TDRD3: variants seen among roughly 807,000 people sequenced by gnomAD.
TDRD3 encodes tudor domain-containing protein 3.
In TDRD3, 45 loss-of-function variants were observed where a neutral mutation model predicts 86.7. The observed-to-expected ratio is 0.52, with a 90% CI of 0.41 to 0.67. The LOEUF (loss-of-function observed/expected upper bound fraction) is 0.67. Among genes scored for constraint, TDRD3 ranks in the 30% least tolerant of loss-of-function variants. The pLI is 0.00. For missense variants in TDRD3, 814 were observed against 889.0 expected (o/e 0.92, Z 1.07); for synonymous variants, 298 against 301.7 (o/e 0.99, Z 0.13).
At chr13:60,420,444 G>GT (rs1256403576) in intron 1 of TDRD3, among the ~76,000 whole-genome samples, 1 of 151,652 alleles carries the variant, frequency 6.6e-6, no homozygotes, top group Non-Finnish European at 1.5e-5. Flanking sequence ...CCTACTTCAA[G>GT]TTTGTGAAGG....
chr13:60,466,342 T>C (rs2138077287), intron 4 of TDRD3, among the ~76,000 whole-genome samples: 1 of 152,336 alleles, frequency 6.6e-6, no homozygotes, highest in South Asian at 2.1e-4. Flanking sequence ...ATGTCAAATC[T>C]TATATAGCAT....
rs1213670341 is a variant in TDRD3 at position 60,529,039 on chromosome 13, C to T, written c.1814C>T (p.Pro605Leu). 2 of 1,613,998 alleles carry T rather than the reference C, an allele frequency of 1.2e-6. No individual in the cohort carries two copies. The highest frequency in any genetic ancestry group is 2.2e-5 in the East Asian group (1 of 44,858). ...GGAAGACGAATAGGACCTATTAAGCCAGCAGGACCTGTCACAGCTGTACCC... is the reference window on the plus strand; with the variant it reads ...GGAAGACGAATAGGACCTATTAAGCTAGCAGGACCTGTCACAGCTGTACCC... ...LKGRRIGPIK[P>L]AGPVTAVPCD... The change falls in exon 11 of 14, where the codon CCA becomes CTA. Residue 605 changes from proline (P) to leucine (L), a missense_variant. Transcript: ENST00000377881.
At chr13:60,433,388 T>C (rs1042081772) in intron 1 of TDRD3, among the ~76,000 whole-genome samples, 2 of 152,242 alleles carry the variant, frequency 1.3e-5, no homozygotes, top group African/African-American at 4.8e-5. Flanking sequence ...ATGACCAGAC[T>C]GAATGATTTG....
At chr13:60,399,388 A>G (rs752542180) in intron 1 of TDRD3, among the ~76,000 whole-genome samples, 2 of 152,340 alleles carry the variant, frequency 1.3e-5, no homozygotes, top group African/African-American at 2.4e-5. Context: ...TGACTCATAA[A>G]GGCAGTAGTA....
chr13:60,541,031 T>C (rs1957797383), intron 12 of TDRD3, among the ~76,000 whole-genome samples: 1 of 152,210 alleles, frequency 6.6e-6, no homozygotes, highest in Non-Finnish European at 1.5e-5. Context: ...TATTACTAAG[T>C]GGACATTAGT....
At chr13:60,545,217 C>A (rs1957912728) in intron 12 of TDRD3, among the ~76,000 whole-genome samples, 1 of 152,132 alleles carries the variant, frequency 6.6e-6, no homozygotes, top group South Asian at 2.1e-4. Context: ...TGATACCAGT[C>A]TGGGAACCAT....
chr13:60,521,693 C>T (rs903684794), intron 10 of TDRD3, among the ~76,000 whole-genome samples: 6 of 151,976 alleles, frequency 3.9e-5, no homozygotes, highest in South Asian at 2.1e-4. Flanking sequence ...GTCAGGAGTT[C>T]GAGACCAGCC....
intron 10 of TDRD3, among the ~76,000 whole-genome samples, chr13:60,521,108 T>G (rs751809416): frequency 2.0e-5 from 3 of 152,242 alleles, no homozygotes; most frequent in Non-Finnish European, 4.4e-5. Flanking sequence ...ACTTTTTGTG[T>G]GTTGTGCAAT....
chr13:60,534,981 C>A, intron 11 of TDRD3, 127 bp from the exon 12 acceptor site: 1 of 967,416 alleles, frequency 1.0e-6, no homozygotes, highest in Non-Finnish European at 1.5e-6. Flanking sequence ...CAAAAGGGTT[C>A]CAAAGGTAAG....
chr13:60,559,788 A>G (rs893647507), intron 12 of TDRD3, among the ~76,000 whole-genome samples: 7 of 152,178 alleles, frequency 4.6e-5, no homozygotes, highest in African/African-American at 1.7e-4. Context: ...CAGTTATGCC[A>G]GATGAATGGG....
rs749028045 is a variant in TDRD3, at chr13:60,557,820, A to ATTTTTTTTTTTTTTTTTT, written c.2119-9700_2119-9683dup. Among the ~76,000 whole-genome samples, 13 of 88,284 alleles carry ATTTTTTTTTTTTTTTTTT rather than the reference A, an allele frequency of 1.5e-4. 2 individuals are homozygous for ATTTTTTTTTTTTTTTTTT. Among genetic ancestry groups the ATTTTTTTTTTTTTTTTTT allele is most frequent in the African/African-American group, 1.7e-4 (4 of 24,190 alleles). The allele number at this position is 88,284 out of a possible 152,430, so 57.9% of individuals were successfully genotyped here. A position where few individuals can be genotyped will look rare whatever the true frequency, so the allele number is the denominator to read the frequency against. On this transcript the variant is annotated intron_variant, in intron 12 of 13. Transcript: ENST00000377881. ...GGCATAAAGGATTTTTTTTTTCCTGATTTTTTTTTTTTTTTTTTTTTTGAG... is the reference window on the plus strand; with the variant it reads ...GGCATAAAGGATTTTTTTTTTCCTGATTTTTTTTTTTTTTTTTTTTTTTTTTTTTTTTTTTTTTTTGAG...
At chr13:60,464,456 T>C in intron 4 of TDRD3, among the ~76,000 whole-genome samples, 2 of 152,252 alleles carry the variant, frequency 1.3e-5, no homozygotes, top group South Asian at 4.1e-4. Flanking sequence ...TGCACTCCCA[T>C]TTTTATTGTA....
At chr13:60,398,070 G>T (rs1953989178) in intron 1 of TDRD3, among the ~76,000 whole-genome samples, 1 of 152,208 alleles carries the variant, frequency 6.6e-6, no homozygotes, top group Non-Finnish European at 1.5e-5. Context: ...GATTTTAAGA[G>T]GCCTTTCGTG....
chr13:60,403,504 A>G (rs915517389), intron 1 of TDRD3, among the ~76,000 whole-genome samples: 2 of 152,230 alleles, frequency 1.3e-5, no homozygotes, highest in Non-Finnish European at 2.9e-5. Flanking sequence ...TGGAAGAAGA[A>G]TACTGAATGC....
In TDRD3 at chr13:60,469,435, T is replaced by C. The variant is rs201333949; in HGVS notation, c.495+2056T>C. On this transcript the variant is annotated intron_variant, in intron 5 of 13. Coordinates refer to ENST00000377881, the MANE Select transcript of TDRD3 (RefSeq NM_001146070.2). ...CTTCTCACCAACACACACACACACA[T>C]ACACACACACACACACACACGGAGT... Among the ~76,000 whole-genome samples, 477 of 135,726 alleles carry C rather than the reference T, an allele frequency of 3.5e-3. 2 individuals carry two copies. The highest frequency in any genetic ancestry group is 0.011 in the African/African-American group (445 of 39,780). The allele number at this position is 135,726 out of a possible 152,430, so 89.0% of individuals were successfully genotyped here.
intron 8 of TDRD3, among the ~76,000 whole-genome samples, chr13:60,498,193 C>G (rs1161788022): frequency 6.6e-6 from 1 of 152,074 alleles, no homozygotes; most frequent in African/African-American, 2.4e-5. Context: ...AGAAGATATA[C>G]CCTTGAGCAA....
intron 8 of TDRD3, among the ~76,000 whole-genome samples, chr13:60,496,516 G>A (rs544032036): frequency 9.4e-4 from 143 of 151,554 alleles, no homozygotes; most frequent in East Asian, 7.8e-4. Flanking sequence ...TTCTAATAGT[G>A]TGGAGAACAC....
chr13:60,410,387 CAG>C (rs1954333807), intron 1 of TDRD3, among the ~76,000 whole-genome samples: 1 of 152,140 alleles, frequency 6.6e-6, no homozygotes, highest in Non-Finnish European at 1.5e-5. Context: ...CTCTGCTAAA[CAG>C]AGTTTACTCT....
intron 12 of TDRD3, among the ~76,000 whole-genome samples, chr13:60,563,648 C>T (rs1294762194): frequency 2.6e-5 from 4 of 152,196 alleles, no homozygotes; most frequent in African/African-American, 9.7e-5. Flanking sequence ...CCAGCCGAGG[C>T]AGATAGCTCT....
Sources: allele counts gnomAD v4.1 joint callset (sites outside exome capture counted in the v4.1 genomes callset), GRCh38; gene constraint gnomAD v4.1.1; transcripts MANE v1.5; gene names NCBI Gene and HGNC (gene_info 2026-07-23, HGNC 2026-07-21).